MAPK6: variants seen among roughly 807,000 people sequenced by gnomAD.
MAPK6 encodes ERK-3.
Under a neutral mutation model 59.3 loss-of-function variants are expected in MAPK6, and 19 were observed. That is an observed-to-expected ratio of 0.32 (90% CI 0.22 to 0.47). The LOEUF is 0.47. Ranked by LOEUF, MAPK6 falls within the 20% of genes least tolerant of loss-of-function variation. The pLI is 1.00. For missense variants in MAPK6, 724 were observed against 847.9 expected (o/e 0.85, Z 1.81); for synonymous variants, 316 against 290.3 (o/e 1.09, Z -0.90).
chr15:51,992,513 C>T (rs952537972), intron 2 of MAPK6, among the ~76,000 whole-genome samples: 11 of 151,594 alleles, frequency 7.3e-5, no homozygotes, highest in Admixed American at 7.3e-4. Context: ...ACCATGTTAG[C>T]CAGGATGGTC....
chr15:51,988,368 A>C (rs949753306), intron 2 of MAPK6, among the ~76,000 whole-genome samples: 17 of 152,184 alleles, frequency 1.1e-4, no homozygotes, highest in African/African-American at 3.9e-4. Context: ...GAGAAATGAG[A>C]TACTGTATTA....
intron 1 of MAPK6, among the ~76,000 whole-genome samples, chr15:52,023,021 C>T (rs981229295): frequency 2.8e-5 from 4 of 141,402 alleles, no homozygotes; most frequent in South Asian, 2.4e-4. Context: ...GCAGGAGAAT[C>T]GCTTGAACCC....
intron 1 of MAPK6, among the ~76,000 whole-genome samples, chr15:52,028,385 C>A (rs182959873): frequency 6.1e-4 from 93 of 152,240 alleles, no homozygotes; most frequent in African/African-American, 2.2e-3. Flanking sequence ...TCGCACCCTG[C>A]CAGCCTGTTG....
chr15:51,998,315 G>T (rs1265761371), intron 2 of MAPK6, among the ~76,000 whole-genome samples: 2 of 149,496 alleles, frequency 1.3e-5, no homozygotes, highest in African/African-American at 4.9e-5. Context: ...AGTGATTTTT[G>T]TGCCTCAGCC....
chr15:52,016,928 C>T (rs1313883068), upstream of MAPK6, among the ~76,000 whole-genome samples: 2 of 152,124 alleles, frequency 1.3e-5, no homozygotes, highest in South Asian at 4.1e-4. Flanking sequence ...CCTGTAGTCC[C>T]AGCTACTCGG....
intron 1 of MAPK6, among the ~76,000 whole-genome samples, chr15:52,041,257 C>T (rs1457623777): frequency 2.0e-5 from 3 of 152,104 alleles, no homozygotes; most frequent in Non-Finnish European, 4.4e-5. Flanking sequence ...AGTGCAATGG[C>T]GCGATCTCGG....
At chr15:52,056,902 A>T (rs1261210585) in intron 3 of MAPK6, 5 of 152,198 alleles carry the variant, frequency 3.3e-5, no homozygotes. Flanking sequence ...TCTGAATTCC[A>T]GGTTCCTTAA....
Position 52,065,800 on chromosome 15 carries a change from T to G in MAPK6, c.*800T>G, listed in dbSNP as rs1304452263. The G allele has an allele frequency of 6.6e-6, 1 of 152,658 alleles. No individual in the cohort carries two copies. Among genetic ancestry groups the G allele is most frequent in the African/African-American group, 2.4e-5 (1 of 41,472 alleles). 9.5% of individuals were successfully genotyped at this position (152,658 alleles called of 1,614,324 possible). On this transcript the variant is annotated 3_prime_UTR_variant, in exon 6 of 6. Transcript: ENST00000261845. Reference sequence around the variant, plus strand: ...GTTGCCTACCTAGCTGCATCTATAATGTCAGCTTATCCTAAGGCTGTCCAC... The same window carrying G: ...GTTGCCTACCTAGCTGCATCTATAAGGTCAGCTTATCCTAAGGCTGTCCAC...
chr15:52,025,261 A>C (rs2030724450), intron 1 of MAPK6, among the ~76,000 whole-genome samples: 1 of 152,082 alleles, frequency 6.6e-6, no homozygotes, highest in South Asian at 2.1e-4. Flanking sequence ...TAAATAAATA[A>C]AAATTAAAAT....
At chr15:52,055,973 G>C (rs997275132) in intron 3 of MAPK6, among the ~76,000 whole-genome samples, 1 of 152,222 alleles carries the variant, frequency 6.6e-6, no homozygotes, top group African/African-American at 2.4e-5. Flanking sequence ...GAAAGATCTA[G>C]ATTGTAGTTT....
intron 1 of MAPK6, among the ~76,000 whole-genome samples, chr15:51,973,658 A>G (rs1312856729): frequency 6.8e-6 from 1 of 147,676 alleles, no homozygotes; most frequent in African/African-American, 2.5e-5. Context: ...TTTTGGCTAC[A>G]CTTTTTTTTT....
At chr15:51,976,369 G>C (rs1403897392) in intron 1 of MAPK6, among the ~76,000 whole-genome samples, 1 of 151,492 alleles carries the variant, frequency 6.6e-6, no homozygotes, top group Non-Finnish European at 1.5e-5. Flanking sequence ...GTCAGGAAAG[G>C]TTTCTTAGGA....
intron 2 of MAPK6, among the ~76,000 whole-genome samples, chr15:51,988,780 A>G (rs1019814262): frequency 1.3e-5 from 2 of 151,978 alleles, no homozygotes; most frequent in Non-Finnish European, 2.9e-5. Flanking sequence ...CCAGAAATGT[A>G]TTCCTTTGCA....
intron 2 of MAPK6, among the ~76,000 whole-genome samples, chr15:51,984,687 G>C (rs1030771214): frequency 1.1e-4 from 15 of 139,970 alleles, no homozygotes; most frequent in African/African-American, 4.5e-4. Flanking sequence ...CCAGTTCTCC[G>C]GGGGGGAAGA....
chr15:52,005,527 CAA>C (rs543032358), intron 3 of MAPK6, among the ~76,000 whole-genome samples: 2 of 130,288 alleles, frequency 1.5e-5, no homozygotes, highest in Admixed American at 7.8e-5. Context: ...CATTCCATCT[CAA>C]AAAAAAAAAA....
chr15:52,063,609 C>CTGAT (rs1430522155), intron 5 of MAPK6, among the ~76,000 whole-genome samples: 3 of 150,990 alleles, frequency 2.0e-5, no homozygotes, highest in Non-Finnish European at 2.9e-5. Flanking sequence ...TGTAAGGTAC[C>CTGAT]TGATTGAGAT....
At chr15:51,981,054 C>T (rs2057171329) in intron 1 of MAPK6, among the ~76,000 whole-genome samples, 1 of 151,838 alleles carries the variant, frequency 6.6e-6, no homozygotes, top group Non-Finnish European at 1.5e-5. Flanking sequence ...ATTAATCTAA[C>T]TTGCTTTTTA....
At chr15:52,055,550 C>G (rs544414261) in intron 3 of MAPK6, among the ~76,000 whole-genome samples, 11 of 152,340 alleles carry the variant, frequency 7.2e-5, no homozygotes, top group African/African-American at 2.6e-4. Context: ...GAGTCTCGCT[C>G]TGTCGCCTAG....
At position 52,064,819 on chromosome 15, in the gene MAPK6, T is replaced by C. The variant is rs1408103658; in HGVS notation, c.1985T>C (p.Leu662Pro). 6.2e-7 allele frequency: 1 copy of C among 1,611,984 alleles called. No individual in the cohort carries two copies. Among genetic ancestry groups the C allele is most frequent in the East Asian group, 2.2e-5 (1 of 44,876 alleles). ...LGERGHEEGF[L>P]NNSGEFLFNK... Reference sequence around the variant, plus strand: ...GAGAGAGGACATGAGGAAGGATTTCTGAACAACAGTGGGGAGTTCCTCTTT... The same window carrying C: ...GAGAGAGGACATGAGGAAGGATTTCCGAACAACAGTGGGGAGTTCCTCTTT... The change falls in exon 6 of 6, where the codon CTG becomes CCG. Residue 662 changes from leucine to proline, a missense_variant. By Grantham distance (98) the Leu-to-Pro change is moderately conservative. Coordinates refer to ENST00000261845, the MANE Select transcript of MAPK6 (RefSeq NM_002748.4).
Sources: gnomAD v4.1 joint callset for allele counts (sites outside exome capture counted in the v4.1 genomes callset) on GRCh38, gnomAD v4.1.1 for gene constraint, MANE v1.5 for transcripts, NCBI Gene and HGNC (gene_info 2026-07-23, HGNC 2026-07-21) for gene names.